TNFRSF8: variants seen among roughly 807,000 people sequenced by gnomAD.
TNFRSF8 encodes TNF receptor superfamily member 8, also known as tumor necrosis factor receptor superfamily member 8.
TNFRSF8 carries 26 observed loss-of-function variants against 70.8 expected under a neutral mutation model. The observed-to-expected ratio is 0.37, with a 90% confidence interval of 0.27 to 0.51. The LOEUF is 0.51. TNFRSF8 is among the 20% of genes least tolerant of loss of function. The pLI is 0.94. For synonymous variants in TNFRSF8, 356 were observed against 339.2 expected (o/e 1.05, Z -0.54); for missense variants, 720 against 807.9 (o/e 0.89, Z 1.32).
rs1283439426 is a variant in TNFRSF8, at chr1:12,063,776, G to A, written c.63+115G>A. The A allele has an allele frequency of 2.0e-6, 2 of 1,021,992 alleles. No homozygotes were observed. Among genetic ancestry groups the A allele is most frequent in the Non-Finnish European group, 2.5e-6 (2 of 791,802 alleles). The allele number at this position is 1,021,992 out of a possible 1,614,324, so 63.3% of individuals were successfully genotyped here. A position where few individuals can be genotyped will look rare whatever the true frequency, so the allele number is the denominator to read the frequency against. Reference sequence around the variant, plus strand: ...ACCCCGTTCCCTGCCCAGCTGGAGTGAGGGGGCGCGGGTGACAAGCAGGAA... The same window carrying A: ...ACCCCGTTCCCTGCCCAGCTGGAGTAAGGGGGCGCGGGTGACAAGCAGGAA... On this transcript the variant is annotated intron_variant, in intron 1 of 14. Coordinates refer to ENST00000263932, the MANE Select transcript of TNFRSF8 (RefSeq NM_001243.5). The surrounding 1 kb of genome is among the most constrained non-coding windows in gnomAD (Gnocchi z 7.2).
rs949932326 is a variant in TNFRSF8, at chr1:12,119,143, C to T, written c.946+3414C>T. On this transcript the variant is annotated intron_variant, in intron 8 of 14. Transcript: ENST00000263932. The surrounding 1 kb of genome is among the most constrained non-coding windows in gnomAD (Gnocchi z 4.4). ...CTCGCAAAAGTGCTGGGATTACCGG[C>T]GTGAGCCACTGCGCCCGGCCATTTG... Among the ~76,000 whole-genome samples the T allele has an allele frequency of 2.6e-5, 4 of 152,230 alleles. No individual in the cohort carries two copies. Among genetic ancestry groups the T allele is most frequent in the Admixed American group, 2.0e-4 (3 of 15,290 alleles).
chr1:12,133,018 G>A (rs1369847738), intron 12 of TNFRSF8, among the ~76,000 whole-genome samples: 2 of 152,130 alleles, frequency 1.3e-5, no homozygotes, highest in Non-Finnish European at 2.9e-5. Context: ...CCGCCAAGGA[G>A]GCCCCTGCTC....
At chr1:12,129,069 A>G (rs372787908) in intron 12 of TNFRSF8, among the ~76,000 whole-genome samples, 7 of 151,492 alleles carry the variant, frequency 4.6e-5, no homozygotes, top group African/African-American at 1.7e-4. Flanking sequence ...TCCTGACCTC[A>G]TGATCCGCCT....
chr1:12,142,374 C>T lies in TNFRSF8; in HGVS notation c.1631C>T (p.Ala544Val), dbSNP rs753809565. Residue 544 changes from alanine (A) to valine (V), a missense_variant, in exon 15 of 15, where the codon GCA becomes GTA. Physicochemically the swap from Ala to Val is moderately conservative, Grantham distance 64. Transcript: ENST00000263932. The surrounding 1 kb of genome is among the most constrained non-coding windows in gnomAD (Gnocchi z 5.0). ...GAGGGCCGGGGCCTGGCGGGGCCAG[C>T]AGAGCCCGAGTTGGAGGAGGAGCTG... ...LPEGRGLAGPAEPELEEELEA... is the reference protein window; with the variant it reads ...LPEGRGLAGPVEPELEEELEA... The T allele has an allele frequency of 9.1e-5, 147 of 1,611,014 alleles. No homozygotes were observed. The highest frequency in any genetic ancestry group is 1.2e-4 in the Non-Finnish European group (145 of 1,179,028).
intron 10 of TNFRSF8, among the ~76,000 whole-genome samples, chr1:12,124,555 G>A (rs1641895890): frequency 1.3e-5 from 2 of 152,146 alleles, no homozygotes; most frequent in South Asian, 4.1e-4. Context: ...TGGACGCGGT[G>A]GCTCACGCCT....
chr1:12,073,362 C>T (rs955450868), intron 1 of TNFRSF8, among the ~76,000 whole-genome samples: 1 of 152,150 alleles, frequency 6.6e-6, no homozygotes, highest in Non-Finnish European at 1.5e-5. Context: ...CCAAGAGGAT[C>T]AGAAAGTCGA....
In TNFRSF8 at chr1:12,088,066, G is replaced by C. The variant is rs1026940160; in HGVS notation, c.151+3515G>C. On this transcript the variant is annotated intron_variant, in intron 2 of 14. Coordinates refer to ENST00000263932, the MANE Select transcript of TNFRSF8 (RefSeq NM_001243.5). This position sits in a 1 kb window ranked among gnomAD's most constrained non-coding sequence, Gnocchi z 4.0. ...CCCTGTGCAGCCAGCACTCAGCTGT[G>C]TGGCCGGGTTTGCTTGTGGGCGGGT... 6.6e-6 allele frequency among the ~76,000 whole-genome samples: 1 copy of C among 152,336 alleles called. No individual in the cohort carries two copies. The highest frequency in any genetic ancestry group is 1.9e-4 in the East Asian group (1 of 5,186).
In TNFRSF8 at chr1:12,109,617, C is replaced by G; in HGVS notation, c.473C>G (p.Pro158Arg). The change falls in exon 5 of 15, where the codon CCT becomes CGT. Residue 158 changes from proline to arginine, a missense_variant. Transcript: ENST00000263932. This position sits in a 1 kb window ranked among gnomAD's most constrained non-coding sequence, Gnocchi z 4.4. ...VCEPASPGVS[P>R]ACASPENCKE... ...GAGCCGGCTTCCCCAGGGGTCAGCC[C>G]TGCCTGTGCCAGCCCAGAGAACTGC... 6.2e-7 allele frequency: 1 copy of G among 1,613,808 alleles called. No individual in the cohort carries two copies. The highest frequency in any genetic ancestry group is 8.5e-7 in the Non-Finnish European group (1 of 1,179,956).
chr1:12,086,930 A>G (rs1570004049), intron 2 of TNFRSF8, among the ~76,000 whole-genome samples: 1 of 152,026 alleles, frequency 6.6e-6, no homozygotes, highest in Non-Finnish European at 1.5e-5. Context: ...TTAGGGTTTC[A>G]ACACATTTAA....
chr1:12,098,231 AAG>A (rs1641363586), intron 3 of TNFRSF8, among the ~76,000 whole-genome samples: 2 of 152,242 alleles, frequency 1.3e-5, no homozygotes, highest in African/African-American at 4.8e-5. Context: ...GTTAAAAAGA[AAG>A]AAAAGTAATA....
At chr1:12,105,527 C>CCTCTCTCT (rs36180612) in intron 4 of TNFRSF8, among the ~76,000 whole-genome samples, 11 of 145,862 alleles carry the variant, frequency 7.5e-5, no homozygotes, top group South Asian at 4.4e-4. Context: ...TGAATCTGAT[C>CCTCTCTCT]CTCTCTCTCT....
intron 3 of TNFRSF8, among the ~76,000 whole-genome samples, chr1:12,098,440 A>G (rs1029106058): frequency 1.2e-4 from 18 of 152,238 alleles, no homozygotes; most frequent in African/African-American, 4.1e-4. Context: ...TACTATTATC[A>G]TTAGATGGCT....
intron 12 of TNFRSF8, among the ~76,000 whole-genome samples, chr1:12,131,474 A>C (rs976019604): frequency 7.3e-5 from 11 of 150,044 alleles, no homozygotes; most frequent in East Asian, 2.0e-4. Context: ...AACAAACAAA[A>C]AAACATTCTA....
At chr1:12,077,381 A>G (rs1640985361) in intron 1 of TNFRSF8, among the ~76,000 whole-genome samples, 2 of 152,176 alleles carry the variant, frequency 1.3e-5, no homozygotes, top group Non-Finnish European at 2.9e-5. Context: ...AGAGGCAAAG[A>G]GAGAGATGTG....
chr1:12,087,924 G>C (rs1034891841), intron 2 of TNFRSF8, among the ~76,000 whole-genome samples: 5 of 152,016 alleles, frequency 3.3e-5, no homozygotes, highest in Admixed American at 3.3e-4. Flanking sequence ...TGGTGGGTGG[G>C]GCATTTTACT....
chr1:12,116,740 C>T lies in TNFRSF8; in HGVS notation c.946+1011C>T, dbSNP rs11569897. ...GCTTGAACCCGGGAGGCATAGGTTG[C>T]AGTGAGCCGAGATTGCACCACTGAA... On this transcript the variant is annotated intron_variant, in intron 8 of 14. Transcript: ENST00000263932. 5.8e-3 allele frequency among the ~76,000 whole-genome samples: 889 copies of T among 152,198 alleles called. 1 individual carries two copies. The highest frequency in any genetic ancestry group is 0.01 in the Admixed American group (154 of 15,286).
chr1:12,117,390 G>A (rs1641751946), intron 8 of TNFRSF8, among the ~76,000 whole-genome samples: 1 of 152,100 alleles, frequency 6.6e-6, no homozygotes, highest in African/African-American at 2.4e-5. Flanking sequence ...GCCAACAATT[G>A]TCTTCTTGAG....
rs1436445802 is a variant in TNFRSF8, at chr1:12,138,906, G to A, written c.1543+470G>A. Among the ~76,000 whole-genome samples the A allele has an allele frequency of 4.3e-5, 6 of 140,906 alleles. No homozygotes were observed. The highest frequency in any genetic ancestry group is 4.4e-4 in the South Asian group (2 of 4,546). 92.4% of individuals were successfully genotyped at this position (140,906 alleles called of 152,430 possible). ...GTGAAGTGATTTTCCCCATTGCATG[G>A]CTACTAAGTGGCACAGCTGGAACTC... On this transcript the variant is annotated intron_variant, in intron 14 of 14. Transcript: ENST00000263932. This position sits in a 1 kb window ranked among gnomAD's most constrained non-coding sequence, Gnocchi z 5.7.
At chr1:12,099,392 G>T (rs1379579569) in intron 3 of TNFRSF8, among the ~76,000 whole-genome samples, 1 of 151,996 alleles carries the variant, frequency 6.6e-6, no homozygotes, top group Non-Finnish European at 1.5e-5. Context: ...TGATCCAGCC[G>T]CCTTGGCCTC....
Sources: gnomAD v4.1 joint callset for allele counts (sites outside exome capture counted in the v4.1 genomes callset) on GRCh38, gnomAD v4.1.1 for gene constraint, Gnocchi (gnomAD v3.1) non-coding constraint, MANE v1.5 for transcripts, NCBI Gene and HGNC (gene_info 2026-07-23, HGNC 2026-07-21) for gene names.